Variants in ROBO1 observed in about 807,000 individuals in gnomAD.
The protein encoded by ROBO1 is roundabout homolog 1.
Under a neutral mutation model 195.9 loss-of-function variants are expected in ROBO1, and 149 were observed. That is an observed-to-expected ratio of 0.76 (90% CI 0.67 to 0.87). The LOEUF (loss-of-function observed/expected upper bound fraction) is 0.87. Among genes scored for constraint, ROBO1 ranks in the 40% least tolerant of loss-of-function variants. The probability of loss-of-function intolerance (pLI) is 0.00; values close to 1 mark genes in which losing one functional copy is unlikely to be tolerated. For missense variants in ROBO1, 1,933 were observed against 2,068.3 expected, an observed-to-expected ratio of 0.93 and a Z score of 1.27; for synonymous variants, 816 against 733.2, an observed-to-expected ratio of 1.11 and a Z score of -1.82.
At chr3:79,591,734 A>C (rs771946010) in intron 1 of ROBO1, among the ~76,000 whole-genome samples, 88 of 151,980 alleles carry the variant, frequency 5.8e-4, no homozygotes, top group Admixed American at 1.1e-3. Flanking sequence ...CACATTCCTC[A>C]GTGAAGTATA....
intron 4 of ROBO1, among the ~76,000 whole-genome samples, chr3:78,831,759 A>G (rs973327446): frequency 6.6e-6 from 1 of 152,354 alleles, no homozygotes; most frequent in Non-Finnish European, 1.5e-5. Flanking sequence ...GAGGCCTCAC[A>G]ATCATGGTGG....
intron 4 of ROBO1, among the ~76,000 whole-genome samples, chr3:78,768,890 A>G (rs2083296230): frequency 7.2e-6 from 1 of 139,588 alleles, no homozygotes. Context: ...ATTCCCACCT[A>G]TGAGTGAGAA....
chr3:79,000,828 T>C (rs1176303237), intron 3 of ROBO1, among the ~76,000 whole-genome samples: 1 of 152,150 alleles, frequency 6.6e-6, no homozygotes, highest in African/African-American at 2.4e-5. Flanking sequence ...ACACGTATGT[T>C]TACTGCAGCA....
At chr3:78,899,849 T>C (rs144389742) in intron 4 of ROBO1, among the ~76,000 whole-genome samples, 3 of 152,242 alleles carry the variant, frequency 2.0e-5, no homozygotes, top group Non-Finnish European at 2.9e-5. Context: ...GAAGATTTCA[T>C]TGATGTGATA....
At chr3:78,966,305 G>A (rs949960213) in intron 3 of ROBO1, among the ~76,000 whole-genome samples, 1 of 152,176 alleles carries the variant, frequency 6.6e-6, no homozygotes, top group African/African-American at 2.4e-5. Context: ...ATGGTTAAGT[G>A]AAAATAAACG....
At position 79,587,709 on chromosome 3, in the gene ROBO1, C is replaced by T. The variant is rs148669472; in HGVS notation, c.88+2115G>A. The stretch of plus-strand genomic sequence containing the variant: ...AGATATGCTCAATTCAATCCAGATC[C>T]AAGGTCTCTAATGAACATACTAAAG... On this transcript the variant is annotated intron_variant, in intron 2 of 30. Transcript: ENST00000464233. 3.2e-3 allele frequency among the ~76,000 whole-genome samples: 490 copies of T among 151,636 alleles called. 2 individuals carry two copies. The highest frequency in any genetic ancestry group is 0.031 in the Middle Eastern group (9 of 294).
Position 78,728,827 on chromosome 3 carries a change from C to G in ROBO1, c.658-10944G>C, listed in dbSNP as rs1452539044. Among the ~76,000 whole-genome samples, 6 of 152,220 alleles carry G rather than the reference C, an allele frequency of 3.9e-5. No individual in the cohort carries two copies. The South Asian group carries it at 8.3e-4, about 21-fold the overall frequency. Reference sequence around the variant, plus strand: ...GAGAGGAAAAATAGGCAATTAGGATCTCTCCATTGGCGTCCCATATTTGCC... The same window carrying G: ...GAGAGGAAAAATAGGCAATTAGGATGTCTCCATTGGCGTCCCATATTTGCC... On this transcript the variant is annotated intron_variant, in intron 5 of 30. Coordinates refer to ENST00000464233, the MANE Select transcript of ROBO1 (RefSeq NM_002941.4).
intron 8 of ROBO1, among the ~76,000 whole-genome samples, chr3:78,689,705 G>A (rs2081129388): frequency 6.6e-6 from 1 of 151,878 alleles, no homozygotes; most frequent in Admixed American, 6.6e-5. Context: ...TGCTTCAAGC[G>A]ACATTTAATA....
chr3:78,682,418 CAA>C (rs1480292622), intron 10 of ROBO1, among the ~76,000 whole-genome samples: 1 of 148,720 alleles, frequency 6.7e-6, no homozygotes, highest in Non-Finnish European at 1.5e-5. Flanking sequence ...TATATACACA[CAA>C]ATATATATAT....
At chr3:79,414,217 C>A (rs2037902613) in intron 2 of ROBO1, among the ~76,000 whole-genome samples, 1 of 149,966 alleles carries the variant, frequency 6.7e-6, no homozygotes, top group African/African-American at 2.5e-5. Flanking sequence ...CTCTCTCTCT[C>A]CCTCCTCTTT....
At chr3:79,106,124 T>A (rs986137468) in intron 3 of ROBO1, among the ~76,000 whole-genome samples, 1 of 151,784 alleles carries the variant, frequency 6.6e-6, no homozygotes, top group Non-Finnish European at 1.5e-5. Context: ...AACAATATAG[T>A]CTTTTAACAA....
At chr3:79,668,498 A>G (rs933718953) in intron 1 of ROBO1, among the ~76,000 whole-genome samples, 1 of 151,674 alleles carries the variant, frequency 6.6e-6, no homozygotes, top group Non-Finnish European at 1.5e-5. Context: ...CTAATTAATT[A>G]GAAGTTATTA....
chr3:79,632,022 C>T (rs1352241314), intron 1 of ROBO1, among the ~76,000 whole-genome samples: 1 of 151,996 alleles, frequency 6.6e-6, no homozygotes, highest in African/African-American at 2.4e-5. Flanking sequence ...TGCTTATATG[C>T]TGTTGGTAGA....
At chr3:79,019,352 G>C (rs922284205) in intron 3 of ROBO1, 1 of 985,858 alleles carries the variant, frequency 1.0e-6, no homozygotes, top group Non-Finnish European at 1.2e-6. Flanking sequence ...GGGCAGAGAG[G>C]ATGCTGCTGC....
At chr3:79,499,742 T>C (rs1939954820) in intron 2 of ROBO1, among the ~76,000 whole-genome samples, 1 of 152,226 alleles carries the variant, frequency 6.6e-6, no homozygotes, top group Admixed American at 6.5e-5. Context: ...GCAGCTTTTG[T>C]AGCTACCAGT....
At chr3:79,018,522 C>G (rs1359368588) in intron 3 of ROBO1, 1 of 1,605,860 alleles carries the variant, frequency 6.2e-7, no homozygotes, top group Non-Finnish European at 8.5e-7. Context: ...AAATAGGGTC[C>G]CCAAATGTAT....
At chr3:79,505,921 A>G (rs1940366943) in intron 2 of ROBO1, among the ~76,000 whole-genome samples, 1 of 152,148 alleles carries the variant, frequency 6.6e-6, no homozygotes, top group African/African-American at 2.4e-5. Context: ...ACAGGCCATG[A>G]CCACAGTGTA....
At chr3:79,179,464 ATATCTTAAC>A (rs1436020627) in intron 2 of ROBO1, among the ~76,000 whole-genome samples, 7 of 152,204 alleles carry the variant, frequency 4.6e-5, no homozygotes, top group Non-Finnish European at 8.8e-5. Context: ...AACTTGCTAA[ATATCTTAAC>A]TGCCTCCTAT....
At chr3:79,025,547 T>C (rs749550899) in intron 3 of ROBO1, among the ~76,000 whole-genome samples, 10 of 152,260 alleles carry the variant, frequency 6.6e-5, no homozygotes, top group African/African-American at 9.6e-5. Flanking sequence ...ACTGTTAATA[T>C]ATATTTTTGA....
Sources: gnomAD v4.1 joint callset for allele counts (sites outside exome capture counted in the v4.1 genomes callset) on GRCh38, gnomAD v4.1.1 for gene constraint, MANE v1.5 for transcripts, NCBI Gene and HGNC (gene_info 2026-07-23, HGNC 2026-07-21) for gene names.